The following ARMCX4 variants were observed in gnomAD, a reference collection of about 807,000 sequenced individuals.
The protein encoded by ARMCX4 is armadillo repeat-containing X-linked protein 4.
Under a neutral mutation model 34.7 loss-of-function variants are expected in ARMCX4, and 3 were observed. The observed-to-expected ratio is 0.09, with a 90% CI of 0.04 to 0.22. The LOEUF is 0.22. Ranked by LOEUF, ARMCX4 falls within the 10% of genes least tolerant of loss-of-function variation. The probability of loss-of-function intolerance (pLI) is 1.00; values close to 1 mark genes in which losing one functional copy is unlikely to be tolerated. For synonymous variants in ARMCX4, 513 were observed against 632.8 expected, an observed-to-expected ratio of 0.81 and a Z score of 2.84; for missense variants, 1,448 against 1,720.8, an observed-to-expected ratio of 0.84 and a Z score of 2.81.
rs782677677 is a variant in ARMCX4, at chrX:101,468,067, G to T, written c.-472-17956G>T. Among the ~76,000 whole-genome samples, 4 of 110,678 alleles carry T rather than the reference G, an allele frequency of 3.6e-5. No individual in the cohort carries two copies. The South Asian group carries it at 1.5e-3, about 43-fold the overall frequency. ...CCTATATATTCTCATATAGATACAG[G>T]CATATATGGGTAAAGTATATGGCAT... On this transcript the variant is annotated intron_variant and NMD_transcript_variant, in intron 4 of 15. Transcript: ENST00000433011.
At chrX:101,483,751 C>T (rs1933572862), upstream of ARMCX4, among the ~76,000 whole-genome samples, 1 of 110,138 alleles carries the variant, frequency 9.1e-6, no homozygotes, top group South Asian at 3.9e-4. Flanking sequence ...CAATATTTTC[C>T]TTTGGTGGAG....
At chrX:101,465,185 C>A (rs1222205818) in intron 4 of ARMCX4, among the ~76,000 whole-genome samples, 1 of 110,832 alleles carries the variant, frequency 9.0e-6, no homozygotes, top group Non-Finnish European at 1.9e-5. Flanking sequence ...CCCAAAATAC[C>A]AAATATACCA....
rs1270648045 is a variant in ARMCX4, at chrX:101,529,516, C to A, written c.*1781-2128C>A. On this transcript the variant is annotated intron_variant and NMD_transcript_variant, in intron 11 of 12. Transcript: ENST00000354842. ...ATTAAACTAAAGAGCTTCTGCACAG[C>A]AAAAGAAACTACCATCAGAGTGAAC... is the stretch of plus-strand genomic sequence containing the variant. Among the ~76,000 whole-genome samples, 9 of 111,646 alleles carry A rather than the reference C, an allele frequency of 8.1e-5. No individual in the cohort carries two copies. The Admixed American group carries it at 8.5e-4, about 11-fold the overall frequency.
downstream of ARMCX4, among the ~76,000 whole-genome samples, chrX:101,496,122 T>C (rs782468963): frequency 4.6e-5 from 5 of 109,373 alleles, no homozygotes; most frequent in Non-Finnish European, 9.5e-5. Context: ...AAGTGCAAAG[T>C]GTAGGGAGGG....
rs1556008278 is a variant in ARMCX4 at position 101,490,171 on chromosome X, G to A, written c.1582G>A (p.Ala528Thr). ...AGCCTTACCTAATACTAGAGGTAAG[G>A]CTAGGGGCAAAGCCAAAGCCAAGTG... Reference protein sequence around the residue: ...GEALPNTRGKARGKAKAKCKT... With the variant: ...GEALPNTRGKTRGKAKAKCKT... Residue 528 changes from alanine to threonine, a missense_variant, in exon 6 of 6, where the codon GCT becomes ACT. Ala to Thr is a moderately conservative substitution (Grantham distance 58). Around this residue, in one of 2 missense-constraint regions of ARMCX4, gnomAD observed 1,343 missense variants for 1,540.7 expected, o/e 0.87. Transcript: ENST00000423738. The A allele has an allele frequency of 5.2e-6, 6 of 1,155,995 alleles. No homozygotes were observed. In the South Asian group the frequency reaches 5.7e-5, roughly 11 times the overall value.
At position 101,466,621 on chromosome X, in the gene ARMCX4, T is replaced by C. The variant is rs1324307036; in HGVS notation, c.-472-19402T>C. 3.6e-5 allele frequency among the ~76,000 whole-genome samples: 4 copies of C among 112,177 alleles called. No homozygotes were observed. In the East Asian group the frequency reaches 1.1e-3, roughly 31 times the overall value. On this transcript the variant is annotated intron_variant and NMD_transcript_variant, in intron 4 of 15. Coordinates refer to the ARMCX4 transcript ENST00000433011. ...CACTATGTTAAATGAATCTCAGACA[T>C]AAAAAGTCTTGTTTCATTTATATGA...
Position 101,493,271 on chromosome X carries a change from G to A in ARMCX4, c.4682G>A (p.Gly1561Glu), listed in dbSNP as rs1450622670. The A allele has an allele frequency of 5.2e-6, 6 of 1,154,542 alleles. No homozygotes were observed. Among genetic ancestry groups the A allele is most frequent in the Non-Finnish European group, 6.9e-6 (6 of 872,682 alleles). Residue 1561 changes from glycine to glutamate, a missense_variant, in exon 6 of 6, where the codon GGG (glycine) becomes GAG (glutamate). Physicochemically the swap from Gly to Glu is moderately conservative, Grantham distance 98. Coordinates refer to ENST00000423738, the MANE Select transcript of ARMCX4 (RefSeq NM_001256155.3). ...GSQVSGSCWT[G>E]AGAVDQAGGC... ...CAGGTCAGTGGAAGCTGCTGGACTG[G>A]GGCTGGGGCTGTGGATCAGGCTGGT...
chrX:101,505,480 A>G, intron 8 of ARMCX4: 1 of 111,630 alleles, frequency 9.0e-6, no homozygotes. Context: ...TTTGAGAGGT[A>G]TGGGTCTAGA....
chrX:101,493,200 G>C lies in ARMCX4; in HGVS notation c.4611G>C (p.Gly1537=), dbSNP rs1236711310. ...SGQDVGGSRP[G]PTNQSSAGSW... ...AGGATGTTGGAGGGTCTAGGCCAGG[G>C]CCCACGAACCAGTCCAGTGCTGGGT... The change falls in exon 6 of 6, where the codon GGG becomes GGC. Residue 1537 remains glycine (G), a synonymous_variant. Transcript: ENST00000423738. 1.4e-5 allele frequency: 16 copies of C among 1,153,410 alleles called. No individual in the cohort carries two copies. The African/African-American group carries it at 2.3e-4, about 17-fold the overall frequency.
chrX:101,438,519 C>T (rs183253842), intron 2 of ARMCX4, among the ~76,000 whole-genome samples: 1,145 of 110,908 alleles, frequency 0.01, 11 homozygotes, highest in African/African-American at 0.035. Flanking sequence ...GAGCCAAGAT[C>T]GCGCCACTGC....
chrX:101,425,832 T>G (rs1204653109), intron 2 of ARMCX4, among the ~76,000 whole-genome samples: 4 of 111,056 alleles, frequency 3.6e-5, no homozygotes, highest in Non-Finnish European at 5.7e-5. Context: ...TATTTATTTA[T>G]TTTTTTGAGA....
chrX:101,436,847 A>T (rs1394597341), intron 2 of ARMCX4, among the ~76,000 whole-genome samples: 3 of 111,835 alleles, frequency 2.7e-5, no homozygotes, highest in African/African-American at 9.8e-5. Context: ...GAGAGTTTTT[A>T]GCATGAAGGG....
At chrX:101,450,353 C>G (rs1246107978), downstream of ARMCX4, among the ~76,000 whole-genome samples, 3 of 112,377 alleles carry the variant, frequency 2.7e-5, no homozygotes, top group African/African-American at 9.7e-5. Flanking sequence ...ACTGCCACCA[C>G]AGGCCCATGG....
At chrX:101,520,993 GAA>G (rs1318936243) in intron 11 of ARMCX4, among the ~76,000 whole-genome samples, 2 of 104,189 alleles carry the variant, frequency 1.9e-5, no homozygotes, top group Admixed American at 2.1e-4. Context: ...GTGCAATGAT[GAA>G]GTCTTGGCTC....
intron 2 of ARMCX4, among the ~76,000 whole-genome samples, chrX:101,428,872 C>CTTTTTT (rs57998955): frequency 1.5e-5 from 1 of 66,254 alleles, no homozygotes; most frequent in Non-Finnish European, 3.0e-5. Flanking sequence ...ATTTCTTTTC[C>CTTTTTT]TTTTTTTTTT....
chrX:101,432,423 G>C (rs1603089111), intron 2 of ARMCX4, among the ~76,000 whole-genome samples: 1 of 111,531 alleles, frequency 9.0e-6, no homozygotes, highest in Non-Finnish European at 1.9e-5. Flanking sequence ...AGCACTTTGG[G>C]AGGCTGAGGC....
At chrX:101,465,403 G>A (rs1306634973) in intron 4 of ARMCX4, among the ~76,000 whole-genome samples, 1 of 112,078 alleles carries the variant, frequency 8.9e-6, no homozygotes, top group East Asian at 2.8e-4. Flanking sequence ...ATCAGATAAA[G>A]TAGACTTTAA....
intron 2 of ARMCX4, among the ~76,000 whole-genome samples, chrX:101,427,116 A>T (rs1405562496): frequency 1.8e-5 from 2 of 111,398 alleles, no homozygotes; most frequent in Non-Finnish European, 3.8e-5. Flanking sequence ...TATAATTTTC[A>T]TTTTGTGGGG....
Position 101,432,996 on chromosome X carries a change from A to ATATGTG in ARMCX4, n.165-11053_165-11052insGTGTAT, listed in dbSNP as rs782139953. Reference sequence around the variant, plus strand: ...TGTGTATATATACACACATGTATACATATATGTGTATATATACACATATGT... The same window carrying ATATGTG: ...TGTGTATATATACACACATGTATACATATGTGTATATGTGTATATATACACATATGT... On this transcript the variant is annotated intron_variant and non_coding_transcript_variant, in intron 2 of 3. Coordinates refer to the ARMCX4 transcript ENST00000430461. 5.7e-4 allele frequency among the ~76,000 whole-genome samples: 59 copies of ATATGTG among 103,318 alleles called. 2 individuals carry two copies. Among genetic ancestry groups the ATATGTG allele is most frequent in the East Asian group, 5.4e-3 (17 of 3,123 alleles). 89.7% of individuals were successfully genotyped at this position (103,318 alleles called of 115,157 possible). A position where few individuals can be genotyped will look rare whatever the true frequency, so the allele number is the denominator to read the frequency against.
Sources: gnomAD v4.1 joint callset for allele counts (sites outside exome capture counted in the v4.1 genomes callset) on GRCh38, gnomAD v4.1.1 for gene constraint, gnomAD v4.1.1 regional missense constraint, MANE v1.5 for transcripts, NCBI Gene and HGNC (gene_info 2026-07-23, HGNC 2026-07-21) for gene names.